Variants in CLIP2 observed in about 807,000 individuals in gnomAD.
CLIP2 encodes the protein CAP-Gly domain-containing linker protein 2.
CLIP2 carries 41 observed loss-of-function variants against 111.7 expected under a neutral mutation model. That is an observed-to-expected ratio of 0.37 (90% CI 0.29 to 0.48). The LOEUF (loss-of-function observed/expected upper bound fraction) is 0.48. Among genes scored for constraint, CLIP2 ranks in the 20% least tolerant of loss-of-function variants. The pLI is 0.99. For missense variants in CLIP2, 1,160 were observed against 1,422.1 expected (o/e 0.82, Z 2.96); for synonymous variants, 660 against 644.2 (o/e 1.02, Z -0.37).
chr7:74,319,674 A>G (rs1554729717), intron 2 of CLIP2, among the ~76,000 whole-genome samples: 1 of 151,934 alleles, frequency 6.6e-6, no homozygotes, highest in African/African-American at 2.4e-5. Context: ...TTTTTTAATT[A>G]GCCAGGCATG....
intron 3 of CLIP2, among the ~76,000 whole-genome samples, chr7:74,341,935 G>A (rs1333119604): frequency 2.0e-5 from 3 of 152,178 alleles, no homozygotes; most frequent in Admixed American, 6.6e-5. Context: ...GTGCTGTGGT[G>A]CTCTCAGAGC....
intron 1 of CLIP2, among the ~76,000 whole-genome samples, chr7:74,313,856 G>A (rs1489736941): frequency 6.6e-6 from 1 of 152,114 alleles, no homozygotes; most frequent in Admixed American, 6.6e-5. Flanking sequence ...GTGGGAATCG[G>A]GTCAACCCAC....
chr7:74,387,645 T>TC (rs1791152060), intron 12 of CLIP2, among the ~76,000 whole-genome samples: 2 of 152,024 alleles, frequency 1.3e-5, no homozygotes, highest in Admixed American at 1.3e-4. Context: ...CTTCTGTCCA[T>TC]CCCCCAGTAC....
Position 74,317,537 on chromosome 7 carries a change from T to C in CLIP2, c.-10T>C. ...CACTCACCCTTGTCCACCTGCCCAG[T>C]GGCACCGCCATGCAGAAGCCCAGCG... is the stretch of plus-strand genomic sequence containing the variant. On this transcript the variant is annotated 5_prime_UTR_variant, in exon 2 of 17. Coordinates refer to ENST00000223398, the MANE Select transcript of CLIP2 (RefSeq NM_003388.5). 1 of 1,421,300 alleles carries C rather than the reference T, an allele frequency of 7.0e-7. No homozygotes were observed. Among genetic ancestry groups the C allele is most frequent in the African/African-American group, 1.5e-5 (1 of 68,048 alleles). The allele number at this position is 1,421,300 out of a possible 1,614,324, so 88.0% of individuals were successfully genotyped here.
chr7:74,312,320 C>A (rs1788662285), intron 1 of CLIP2, among the ~76,000 whole-genome samples: 1 of 151,976 alleles, frequency 6.6e-6, no homozygotes, highest in Non-Finnish European at 1.5e-5. Flanking sequence ...GGATTTTGGG[C>A]AGAGAAGAGG....
At chr7:74,401,465 C>T (rs1791616104) in intron 15 of CLIP2, 40 bp from the exon 16 acceptor site, 10 of 1,604,190 alleles carry the variant, frequency 6.2e-6, no homozygotes, top group Non-Finnish European at 7.7e-6. Context: ...GGAACTGCTG[C>T]CTGGTGCACC....
In CLIP2 at chr7:74,376,951, G is replaced by A. The variant is rs1790811177; in HGVS notation, c.2421+129G>A. Reference sequence around the variant, plus strand: ...CGAGAGCATGCCTGGGGCAGTCAAGGAAGGGGTCACCTGGCTTAGAGGAGG... The same window carrying A: ...CGAGAGCATGCCTGGGGCAGTCAAGAAAGGGGTCACCTGGCTTAGAGGAGG... On this transcript the variant is annotated intron_variant, in intron 10 of 16. Coordinates refer to ENST00000223398, the MANE Select transcript of CLIP2 (RefSeq NM_003388.5). The surrounding 1 kb of genome is among the most constrained non-coding windows in gnomAD (Gnocchi z 7.1). 2.1e-6 allele frequency: 2 copies of A among 944,892 alleles called. No homozygotes were observed. Among genetic ancestry groups the A allele is most frequent in the Admixed American group, 2.9e-5 (1 of 34,262 alleles). The allele number at this position is 944,892 out of a possible 1,614,324, so 58.5% of individuals were successfully genotyped here.
Position 74,357,318 on chromosome 7 carries a change from G to A in CLIP2, c.1056G>A (p.Ser352=), listed in dbSNP as rs781789814. ...CTTCACGCTACGCCCGCAAGATCTC[G>A]GGCACCACGGCCTTGCAGGAGGCAC... The part of the protein sequence containing the change: ...ETSSRYARKI[S]GTTALQEALK... Residue 352 remains serine (S), a synonymous_variant, in exon 6 of 17, where the codon TCG becomes TCA. Transcript: ENST00000223398. 2.7e-5 allele frequency: 43 copies of A among 1,613,950 alleles called. No homozygotes were observed. Among genetic ancestry groups the A allele is most frequent in the Non-Finnish European group, 3.0e-5 (35 of 1,179,988 alleles).
intron 3 of CLIP2, among the ~76,000 whole-genome samples, chr7:74,352,735 T>A: frequency 6.7e-6 from 1 of 148,856 alleles, no homozygotes. Context: ...GGACCAGGTG[T>A]GGTGATTCAC....
intron 1 of CLIP2, among the ~76,000 whole-genome samples, chr7:74,297,900 C>A (rs1554726291): frequency 1.3e-5 from 2 of 151,712 alleles, no homozygotes; most frequent in African/African-American, 2.4e-5. Context: ...GCAACCTCCA[C>A]CTCCAGGGCT....
Position 74,376,958 on chromosome 7 carries a change from T to A in CLIP2, c.2421+136T>A. On this transcript the variant is annotated intron_variant, in intron 10 of 16. Coordinates refer to ENST00000223398, the MANE Select transcript of CLIP2 (RefSeq NM_003388.5). This position sits in a 1 kb window ranked among gnomAD's most constrained non-coding sequence, Gnocchi z 7.1. ...ATGCCTGGGGCAGTCAAGGAAGGGG[T>A]CACCTGGCTTAGAGGAGGAGGAGCT... 1.1e-6 allele frequency: 1 copy of A among 878,328 alleles called. No homozygotes were observed. Among genetic ancestry groups the A allele is most frequent in the Non-Finnish European group, 1.7e-6 (1 of 593,844 alleles). 54.4% of individuals were successfully genotyped at this position (878,328 alleles called of 1,614,324 possible).
chr7:74,401,519 C>T lies in CLIP2; in HGVS notation c.3081C>T (p.Ser1027=), dbSNP rs782330857. 5 of 1,614,076 alleles carry T rather than the reference C, an allele frequency of 3.1e-6. 1 individual carries two copies. Among genetic ancestry groups the T allele is most frequent in the Middle Eastern group, 1.6e-4 (1 of 6,062 alleles). Residue 1027 remains serine, a synonymous_variant, in exon 16 of 17, where the codon TCC becomes TCT. Transcript: ENST00000223398. ...AACTCTTCCAGACCATCGGCAATTCCGGTTCTGCAAACGGCATCCACCAGC... is the reference window on the plus strand; with the variant it reads ...AACTCTTCCAGACCATCGGCAATTCTGGTTCTGCAAACGGCATCCACCAGC... ...CPDKAQTIGN[S]GSANGIHQQD...
In CLIP2 at chr7:74,289,439, C is replaced by A. The variant is rs944890843; in HGVS notation, c.-363C>A. ...TTCCCTCCCGGAGCCGGGCCGCTGG[C>A]TCCGCTGGCTCCGCTGGCTCCGCGG... On this transcript the variant is annotated 5_prime_UTR_variant, in exon 1 of 17. Coordinates refer to ENST00000223398, the MANE Select transcript of CLIP2 (RefSeq NM_003388.5). The A allele has an allele frequency of 6.7e-6, 1 of 149,992 alleles. No individual in the cohort carries two copies. The highest frequency in any genetic ancestry group is 2.4e-5 in the African/African-American group (1 of 41,078). 9.3% of individuals were successfully genotyped at this position (149,992 alleles called of 1,614,324 possible).
At chr7:74,350,951 A>G (rs564829783) in intron 3 of CLIP2, among the ~76,000 whole-genome samples, 2 of 148,530 alleles carry the variant, frequency 1.3e-5, no homozygotes, top group South Asian at 4.3e-4. Flanking sequence ...AGGAAGGGAA[A>G]GAAAGGAAGG....
At chr7:74,371,541 A>G (rs1554311850) in intron 8 of CLIP2, among the ~76,000 whole-genome samples, 1 of 141,526 alleles carries the variant, frequency 7.1e-6, no homozygotes. Flanking sequence ...GAGGAGAGAA[A>G]GAGAGAGGGA....
At chr7:74,349,346 A>T (rs1399982127) in intron 3 of CLIP2, among the ~76,000 whole-genome samples, 1 of 148,310 alleles carries the variant, frequency 6.7e-6, no homozygotes, top group Non-Finnish European at 1.5e-5. Context: ...CAGGAGAATC[A>T]CTTGAACCCA....
intron 10 of CLIP2, among the ~76,000 whole-genome samples, chr7:74,378,504 C>G (rs975991317): frequency 8.5e-5 from 13 of 152,140 alleles, no homozygotes; most frequent in African/African-American, 3.1e-4. Context: ...TTTCGAGAGG[C>G]TGAGGCAGGA....
chr7:74,398,547 T>C (rs1554317063), intron 14 of CLIP2, among the ~76,000 whole-genome samples: 2 of 152,136 alleles, frequency 1.3e-5, no homozygotes, highest in African/African-American at 4.8e-5. Context: ...GCTCAGCCAC[T>C]GTAGAGGTGA....
At chr7:74,345,649 C>CAACATGGGGA (rs1456935280) in intron 3 of CLIP2, among the ~76,000 whole-genome samples, 1 of 151,744 alleles carries the variant, frequency 6.6e-6, no homozygotes, top group African/African-American at 2.4e-5. Flanking sequence ...CCAACCTGGC[C>CAACATGGGGA]AACATGGGGA....
Sources: gnomAD v4.1 joint callset for allele counts (sites outside exome capture counted in the v4.1 genomes callset) on GRCh38, gnomAD v4.1.1 for gene constraint, Gnocchi (gnomAD v3.1) non-coding constraint, MANE v1.5 for transcripts, NCBI Gene and HGNC (gene_info 2026-07-23, HGNC 2026-07-21) for gene names.